The following HSD17B12 variants were observed in gnomAD, a reference collection of about 807,000 sequenced individuals.
HSD17B12 encodes the protein very-long-chain 3-oxoacyl-CoA reductase.
In HSD17B12, 32 loss-of-function variants were observed where a neutral mutation model predicts 39.3. The ratio of observed to expected loss-of-function variants is 0.81; its 90% CI spans 0.61 to 1.09. The LOEUF (loss-of-function observed/expected upper bound fraction) is 1.09. Ranked by LOEUF, HSD17B12 falls within the 50% of genes least tolerant of loss-of-function variation. The pLI is 0.00. For missense variants in HSD17B12, 342 were observed against 382.9 expected, an observed-to-expected ratio of 0.89 and a Z score of 0.89; for synonymous variants, 150 against 146.7, an observed-to-expected ratio of 1.02 and a Z score of -0.16.
intron 3 of HSD17B12, among the ~76,000 whole-genome samples, chr11:43,757,724 A>AC (rs397961187): frequency 1.6e-4 from 25 of 151,680 alleles, no homozygotes; most frequent in Admixed American, 5.9e-4. Flanking sequence ...CACAAAAAAA[A>AC]CAGACAAATA....
the HSD17B12 span, among the ~76,000 whole-genome samples, chr11:43,624,661 G>T: frequency 1.5e-4 from 23 of 151,804 alleles, no homozygotes; most frequent in African/African-American, 5.5e-4. Flanking sequence ...TATTGATCTG[G>T]TCAACTTAAA....
At chr11:43,817,274 T>C (rs917618346) in intron 6 of HSD17B12, among the ~76,000 whole-genome samples, 6 of 152,124 alleles carry the variant, frequency 3.9e-5, no homozygotes, top group African/African-American at 4.8e-5. Flanking sequence ...ATTGTGAAGA[T>C]TTTCTCCCAC....
the HSD17B12 span, among the ~76,000 whole-genome samples, chr11:43,665,288 G>T: frequency 6.6e-6 from 1 of 152,002 alleles, no homozygotes; most frequent in Non-Finnish European, 1.5e-5. Flanking sequence ...GTGCGATCTG[G>T]GCCCACTGCA....
the HSD17B12 span, among the ~76,000 whole-genome samples, chr11:43,638,220 C>G: frequency 6.6e-6 from 1 of 152,146 alleles, no homozygotes; most frequent in Non-Finnish European, 1.5e-5. Context: ...GTACAACCCC[C>G]TCATTTTACA....
At chr11:43,794,661 T>C (rs1451495283) in intron 3 of HSD17B12, among the ~76,000 whole-genome samples, 1 of 152,186 alleles carries the variant, frequency 6.6e-6, no homozygotes, top group African/African-American at 2.4e-5. Context: ...GGAAAGAGCG[T>C]GATCTTGGAC....
chr11:43,681,538 A>T (rs1329369697), intron 1 of HSD17B12, among the ~76,000 whole-genome samples: 1 of 152,134 alleles, frequency 6.6e-6, no homozygotes, highest in Non-Finnish European at 1.5e-5. Context: ...TAGTAATCGT[A>T]TCTGGATTTG....
intron 6 of HSD17B12, among the ~76,000 whole-genome samples, chr11:43,817,051 T>G (rs1317177668): frequency 2.2e-5 from 3 of 134,496 alleles, no homozygotes; most frequent in African/African-American, 3.0e-5. Flanking sequence ...TATATATATA[T>G]ATATATATCT....
chr11:43,623,543 G>T, the HSD17B12 span, among the ~76,000 whole-genome samples: 5 of 151,820 alleles, frequency 3.3e-5, no homozygotes, highest in Non-Finnish European at 4.4e-5. Flanking sequence ...AACCATTTCT[G>T]CATTCAGCTT....
At chr11:43,713,335 G>A (rs1376005125) in intron 1 of HSD17B12, among the ~76,000 whole-genome samples, 1 of 136,688 alleles carries the variant, frequency 7.3e-6, no homozygotes, top group East Asian at 2.2e-4. Flanking sequence ...GTGTCCAAGT[G>A]TTCTCATTGT....
intron 3 of HSD17B12, among the ~76,000 whole-genome samples, chr11:43,777,836 G>A (rs1343262174): frequency 3.3e-5 from 5 of 152,182 alleles, no homozygotes; most frequent in African/African-American, 4.8e-5. Flanking sequence ...TCAAAGCACT[G>A]TGTAGAGGGA....
the HSD17B12 span, among the ~76,000 whole-genome samples, chr11:43,612,473 T>C: frequency 4.6e-5 from 7 of 152,194 alleles, no homozygotes; most frequent in African/African-American, 1.7e-4. Flanking sequence ...AAGATATATA[T>C]AGTCTGTCAG....
chr11:43,628,027 G>C, the HSD17B12 span, among the ~76,000 whole-genome samples: 2 of 151,040 alleles, frequency 1.3e-5, no homozygotes, highest in Non-Finnish European at 3.0e-5. Context: ...AACAGAAATG[G>C]TTCTTTTCTT....
At chr11:43,655,978 T>C in the HSD17B12 span, among the ~76,000 whole-genome samples, 2 of 152,214 alleles carry the variant, frequency 1.3e-5, no homozygotes, top group Admixed American at 6.5e-5. Flanking sequence ...TCAGAAGGAA[T>C]GGTACCAGCT....
At chr11:43,742,263 G>T (rs941602288) in intron 1 of HSD17B12, among the ~76,000 whole-genome samples, 10 of 151,084 alleles carry the variant, frequency 6.6e-5, no homozygotes, top group African/African-American at 2.2e-4. Flanking sequence ...TCAGCTTCCC[G>T]AGTAGGTGGG....
chr11:43,676,043 C>T (rs778616211), upstream of HSD17B12, among the ~76,000 whole-genome samples: 21 of 151,782 alleles, frequency 1.4e-4, no homozygotes, highest in Non-Finnish European at 2.6e-4. Context: ...ACCTGGGAGG[C>T]GGAGGTTGTA....
intron 9 of HSD17B12, among the ~76,000 whole-genome samples, chr11:43,847,246 C>A (rs1951485132): frequency 6.6e-6 from 1 of 152,128 alleles, no homozygotes; most frequent in Non-Finnish European, 1.5e-5. Context: ...CCAAGGGACA[C>A]CATCCCCTGA....
At chr11:43,560,273 C>T in the HSD17B12 span, among the ~76,000 whole-genome samples, 1 of 152,128 alleles carries the variant, frequency 6.6e-6, no homozygotes, top group Non-Finnish European at 1.5e-5. Context: ...GTTTTTATTT[C>T]ACTTCTTGAT....
chr11:43,685,611 A>G (rs879780826), intron 1 of HSD17B12, among the ~76,000 whole-genome samples: 2 of 152,220 alleles, frequency 1.3e-5, no homozygotes, highest in Non-Finnish European at 2.9e-5. Context: ...AGGAAGAATC[A>G]GAGGGTTTAG....
the HSD17B12 span, among the ~76,000 whole-genome samples, chr11:43,567,683 A>T: frequency 6.6e-6 from 1 of 152,204 alleles, no homozygotes; most frequent in Non-Finnish European, 1.5e-5. Flanking sequence ...CAAGGAGAAA[A>T]GGTGTCCTGA....
Sources: gnomAD v4.1 joint callset for allele counts (sites outside exome capture counted in the v4.1 genomes callset) on GRCh38, gnomAD v4.1.1 for gene constraint, MANE v1.5 for transcripts, NCBI Gene and HGNC (gene_info 2026-07-23, HGNC 2026-07-21) for gene names.